Variants in FBXL2 observed in about 807,000 individuals in gnomAD.
FBXL2 encodes F-box/LRR-repeat protein 2.
FBXL2 carries 38 observed loss-of-function variants against 69.2 expected under a neutral mutation model. That is an observed-to-expected ratio of 0.55 (90% CI 0.42 to 0.72). The LOEUF is 0.72. Ranked by LOEUF, FBXL2 falls within the 30% of genes least tolerant of loss-of-function variation. The pLI, the probability that FBXL2 is intolerant of heterozygous loss-of-function variation, is 0.00. For synonymous variants in FBXL2, 192 were observed against 201.3 expected, an observed-to-expected ratio of 0.95 and a Z score of 0.39; for missense variants, 354 against 520.3, an observed-to-expected ratio of 0.68 and a Z score of 3.11.
chr3:33,300,655 A>G (rs2036189557), intron 2 of FBXL2: 1 of 151,022 alleles, frequency 6.6e-6, no homozygotes, highest in African/African-American at 2.4e-5. Context: ...CTGTCATTTT[A>G]CTTTCAGACT....
At chr3:33,352,574 T>C (rs923425863) in intron 2 of FBXL2, among the ~76,000 whole-genome samples, 3 of 152,144 alleles carry the variant, frequency 2.0e-5, no homozygotes, top group African/African-American at 7.2e-5. Flanking sequence ...TTGTGTGCAA[T>C]ATATGTAAAG....
At chr3:33,415,326 G>GTCA in the FBXL2 span, among the ~76,000 whole-genome samples, 1 of 152,198 alleles carries the variant, frequency 6.6e-6, no homozygotes, top group Non-Finnish European at 1.5e-5. Context: ...TGGTCTGGAT[G>GTCA]TCAAAGTTTG....
In FBXL2 at chr3:33,384,089, GCCT is replaced by G. The variant is rs1401531117; in HGVS notation, c.1057_1059del (p.Leu353del). On this transcript the variant is annotated inframe_deletion, in exon 14 of 15. Transcript: ENST00000484457. ...CTGCGGGTACTGGAGTTGGACAACT[GCCT>G]CCTCATCACTGATGTGGCCCTGGAA... 2.5e-6 allele frequency: 4 copies of G among 1,614,134 alleles called. No individual in the cohort carries two copies. The highest frequency in any genetic ancestry group is 1.1e-5 in the South Asian group (1 of 91,084).
intron 12 of FBXL2, among the ~76,000 whole-genome samples, chr3:33,401,467 A>G (rs1433678951): frequency 1.3e-5 from 2 of 152,236 alleles, no homozygotes; most frequent in African/African-American, 2.4e-5. Flanking sequence ...CCTTTAAGTA[A>G]TACATATATC....
chr3:33,368,605 C>CT (rs1263335492), intron 5 of FBXL2, among the ~76,000 whole-genome samples: 6 of 150,080 alleles, frequency 4.0e-5, no homozygotes, highest in Non-Finnish European at 8.9e-5. Flanking sequence ...CTTTTTTTTC[C>CT]TTTTTTTTAG....
intron 4 of FBXL2, among the ~76,000 whole-genome samples, chr3:33,359,559 TC>T (rs1284616680): frequency 6.6e-6 from 1 of 152,188 alleles, no homozygotes; most frequent in African/African-American, 2.4e-5. Flanking sequence ...CAGATTTTTT[TC>T]CCTTGTTTAT....
intron 5 of FBXL2, 116 bp from the exon 6 acceptor site, chr3:33,372,976 G>C (rs4678933): frequency 0.33 from 280,939 of 854,020 alleles, 50,536 homozygotes; most frequent in Admixed American, 0.54. Flanking sequence ...CTAGCTGATT[G>C]TTACGCGCTT....
At chr3:33,369,469 G>C (rs1377811366) in intron 5 of FBXL2, among the ~76,000 whole-genome samples, 1 of 152,038 alleles carries the variant, frequency 6.6e-6, no homozygotes, top group Non-Finnish European at 1.5e-5. Context: ...ATTTAGTACA[G>C]TCTACCTTCA....
intron 2 of FBXL2, among the ~76,000 whole-genome samples, chr3:33,310,277 G>A (rs2037074714): frequency 6.6e-6 from 1 of 151,710 alleles, no homozygotes; most frequent in South Asian, 2.1e-4. Context: ...TCAGCCTCCC[G>A]AGTAGCTGGG....
intron 2 of FBXL2, among the ~76,000 whole-genome samples, chr3:33,308,082 T>C (rs994169993): frequency 1.3e-5 from 2 of 152,128 alleles, no homozygotes; most frequent in African/African-American, 2.4e-5. Flanking sequence ...TACTGTGTTA[T>C]CCATGCTGGC....
At chr3:33,342,734 TTTTTTTTTTG>T (rs2040137827) in intron 2 of FBXL2, among the ~76,000 whole-genome samples, 1 of 119,166 alleles carries the variant, frequency 8.4e-6, no homozygotes, top group African/African-American at 3.3e-5. Context: ...TTTTTTTTTT[TTTTTTTTTTG>T]AGACAGAGTC....
chr3:33,414,969 C>T, the FBXL2 span, among the ~76,000 whole-genome samples: 511 of 139,054 alleles, frequency 3.7e-3, 2 homozygotes, highest in Non-Finnish European at 5.8e-3. Context: ...TAGTTCATTA[C>T]GTCATAATGA....
At chr3:33,323,792 A>T (rs1374323850) in intron 2 of FBXL2, among the ~76,000 whole-genome samples, 3 of 152,178 alleles carry the variant, frequency 2.0e-5, no homozygotes, top group African/African-American at 7.2e-5. Flanking sequence ...TCTTTATAGT[A>T]GAATGATATA....
intron 1 of FBXL2, among the ~76,000 whole-genome samples, chr3:33,279,228 A>G (rs186317490): frequency 8.4e-4 from 127 of 151,486 alleles, no homozygotes; most frequent in Admixed American, 2.1e-3. Flanking sequence ...CAGGAGGGAG[A>G]GGGATGAAGC....
At position 33,387,258 on chromosome 3, in the gene FBXL2, A is replaced by C. The variant is rs189234901; in HGVS notation, c.*1650A>C. On this transcript the variant is annotated 3_prime_UTR_variant, in exon 15 of 15. Coordinates refer to ENST00000484457, the MANE Select transcript of FBXL2 (RefSeq NM_012157.5). ...GGAAGCAACTTCAATAAATGAGCAT[A>C]TAACAGACTTGCTTCAGTGATTATG... The C allele has an allele frequency of 6.6e-6, 1 of 152,198 alleles. No homozygotes were observed. Among genetic ancestry groups the C allele is most frequent in the African/African-American group, 2.4e-5 (1 of 41,446 alleles). 9.4% of individuals were successfully genotyped at this position (152,198 alleles called of 1,614,324 possible).
intron 12 of FBXL2, among the ~76,000 whole-genome samples, chr3:33,393,926 A>C (rs1299577594): frequency 6.6e-6 from 1 of 152,192 alleles, no homozygotes; most frequent in African/African-American, 2.4e-5. Flanking sequence ...ATGGTATGTA[A>C]ATTATGCCTG....
chr3:33,373,382 G>C (rs776438090), intron 7 of FBXL2, 27 bp downstream of exon 7: 10 of 1,568,920 alleles, frequency 6.4e-6, no homozygotes, highest in Non-Finnish European at 7.9e-6. Context: ...TTTGTGTCAA[G>C]AGAAATACCC....
chr3:33,351,040 TG>T lies in FBXL2; in HGVS notation c.66-7925del, dbSNP rs1464382469. ...CAACACTTTGGGAGGCTGAGGCAGG[TG>T]GATCACCTGAGGTCAGGAGTTTGAG... On this transcript the variant is annotated intron_variant, in intron 2 of 14. Transcript: ENST00000484457. Among the ~76,000 whole-genome samples, 19 of 152,004 alleles carry T rather than the reference TG, an allele frequency of 1.2e-4. No individual in the cohort carries two copies. The South Asian group carries it at 3.1e-3, about 25-fold the overall frequency.
intron 2 of FBXL2, among the ~76,000 whole-genome samples, chr3:33,351,508 G>A (rs143056787): frequency 4.7e-4 from 71 of 152,210 alleles, no homozygotes; most frequent in African/African-American, 1.6e-3. Flanking sequence ...CAGTATTCCA[G>A]TGAAAGAAAT....
Sources: gnomAD v4.1 joint callset for allele counts (sites outside exome capture counted in the v4.1 genomes callset) on GRCh38, gnomAD v4.1.1 for gene constraint, MANE v1.5 for transcripts, NCBI Gene and HGNC (gene_info 2026-07-23, HGNC 2026-07-21) for gene names.